RGS7: variants seen among roughly 807,000 people sequenced by gnomAD.
RGS7 encodes regulator of G protein signaling 7.
RGS7 carries 27 observed loss-of-function variants against 81.1 expected under a neutral mutation model. The ratio of observed to expected loss-of-function variants is 0.33; its 90% CI spans 0.25 to 0.46. The LOEUF (loss-of-function observed/expected upper bound fraction) is 0.46, where lower values mean the gene tolerates loss of function less well. Among genes scored for constraint, RGS7 ranks in the 20% least tolerant of loss-of-function variants. The pLI is 1.00. For missense variants in RGS7, 396 were observed against 607.4 expected, an observed-to-expected ratio of 0.65 and a Z score of 3.66; for synonymous variants, 208 against 207.7, an observed-to-expected ratio of 1.00 and a Z score of -0.01.
intron 18 of RGS7, among the ~76,000 whole-genome samples, chr1:240,782,718 G>A (rs936006861): frequency 5.9e-5 from 9 of 152,208 alleles, no homozygotes; most frequent in African/African-American, 9.6e-5. Flanking sequence ...CACTGTGCCC[G>A]ACCAAATATG....
intron 2 of RGS7, among the ~76,000 whole-genome samples, chr1:241,269,442 T>C (rs755662976): frequency 1.3e-5 from 2 of 152,334 alleles, no homozygotes; most frequent in Non-Finnish European, 2.9e-5. Context: ...TCCTGCCCAA[T>C]CACATGTTTT....
chr1:240,979,010 A>C lies in RGS7; in HGVS notation c.226+4069T>G, dbSNP rs373382104. On this transcript the variant is annotated intron_variant, in intron 4 of 18. Coordinates refer to ENST00000440928, the MANE Select transcript of RGS7 (RefSeq NM_001364886.1). Reference sequence around the variant, plus strand: ...TTTGTAAATACATCACAGAACAAGCAACGAAATGGCAATGGCCCATTTATA... The same window carrying C: ...TTTGTAAATACATCACAGAACAAGCCACGAAATGGCAATGGCCCATTTATA... 9.2e-4 allele frequency among the ~76,000 whole-genome samples: 140 copies of C among 152,348 alleles called. 4 individuals are homozygous for C. In the South Asian group the frequency reaches 0.027, roughly 29 times the overall value.
intron 2 of RGS7, among the ~76,000 whole-genome samples, chr1:241,328,557 A>C (rs2081759529): frequency 6.6e-6 from 1 of 152,146 alleles, no homozygotes; most frequent in African/African-American, 2.4e-5. Flanking sequence ...GACCAGGTTA[A>C]TTTAACCTGT....
chr1:240,905,649 C>A (rs1486403962), intron 6 of RGS7, among the ~76,000 whole-genome samples: 2 of 152,134 alleles, frequency 1.3e-5, no homozygotes. Flanking sequence ...TGGGAAAATG[C>A]AATGCACTCA....
intron 3 of RGS7, among the ~76,000 whole-genome samples, chr1:241,017,634 T>G (rs1202314062): frequency 6.6e-6 from 1 of 152,114 alleles, no homozygotes; most frequent in African/African-American, 2.4e-5. Context: ...TTTTCTCCAT[T>G]CTCTTCTTGA....
chr1:241,314,286 C>T (rs2080733956), intron 2 of RGS7, among the ~76,000 whole-genome samples: 1 of 152,144 alleles, frequency 6.6e-6, no homozygotes, highest in Admixed American at 6.5e-5. Flanking sequence ...AAGAAATTGC[C>T]ACAGCCACTC....
At chr1:241,002,434 C>A (rs1193874990) in intron 3 of RGS7, among the ~76,000 whole-genome samples, 1 of 133,282 alleles carries the variant, frequency 7.5e-6, no homozygotes, top group African/African-American at 2.9e-5. Flanking sequence ...GCCTGGGCAG[C>A]AAGAGTGAAA....
intron 16 of RGS7, among the ~76,000 whole-genome samples, chr1:240,802,097 T>C (rs1688117016): frequency 2.0e-5 from 3 of 152,166 alleles, no homozygotes; most frequent in Admixed American, 2.0e-4. Flanking sequence ...CTACAAAGTA[T>C]CCATTTCTAG....
intron 3 of RGS7, among the ~76,000 whole-genome samples, chr1:241,003,224 G>A (rs1446066768): frequency 1.3e-5 from 2 of 152,102 alleles, no homozygotes; most frequent in African/African-American, 4.8e-5. Context: ...CACTTTGGGA[G>A]GCCAAGGCAG....
chr1:241,316,857 C>G (rs984102124), intron 2 of RGS7, among the ~76,000 whole-genome samples: 4 of 152,066 alleles, frequency 2.6e-5, no homozygotes, highest in Admixed American at 2.0e-4. Context: ...ATGATGTGAG[C>G]CACTTTTTTG....
Position 241,181,240 on chromosome 1 carries a change from T to C in RGS7, c.79-82478A>G, listed in dbSNP as rs1291560124. Among the ~76,000 whole-genome samples, 4 of 152,128 alleles carry C rather than the reference T, an allele frequency of 2.6e-5. No individual in the cohort carries two copies. The East Asian group carries it at 5.8e-4, about 22-fold the overall frequency. Reference sequence around the variant, plus strand: ...TAATGATGCCTCTATGTAGGTTCATTAATTGAAAAAAGTGTACCTCTCTGG... The same window carrying C: ...TAATGATGCCTCTATGTAGGTTCATCAATTGAAAAAAGTGTACCTCTCTGG... On this transcript the variant is annotated intron_variant, in intron 2 of 18. Coordinates refer to ENST00000440928, the MANE Select transcript of RGS7 (RefSeq NM_001364886.1).
chr1:241,076,680 GT>G (rs1329024677), intron 3 of RGS7, among the ~76,000 whole-genome samples: 1 of 152,146 alleles, frequency 6.6e-6, no homozygotes, highest in Non-Finnish European at 1.5e-5. Flanking sequence ...TATAGTTTCT[GT>G]TTAAAGGAAG....
At chr1:240,860,845 G>A (rs1662068594) in intron 9 of RGS7, among the ~76,000 whole-genome samples, 1 of 152,038 alleles carries the variant, frequency 6.6e-6, no homozygotes, top group Admixed American at 6.6e-5. Flanking sequence ...TTGGTCTCAT[G>A]TCTACAACTA....
chr1:241,010,858 T>G (rs995936278), intron 3 of RGS7, among the ~76,000 whole-genome samples: 10 of 152,142 alleles, frequency 6.6e-5, no homozygotes, highest in African/African-American at 2.2e-4. Context: ...ATCAAAGTCT[T>G]GATCCTCTCA....
At chr1:241,308,813 T>C (rs1238993658) in intron 2 of RGS7, among the ~76,000 whole-genome samples, 1 of 152,176 alleles carries the variant, frequency 6.6e-6, no homozygotes, top group Non-Finnish European at 1.5e-5. Context: ...GGAGGATTCA[T>C]TAATAGAAAG....
intron 3 of RGS7, among the ~76,000 whole-genome samples, chr1:241,045,917 T>A (rs563217476): frequency 4.6e-5 from 7 of 152,158 alleles, no homozygotes; most frequent in Non-Finnish European, 1.0e-4. Context: ...CTCCCCTCCA[T>A]CAGTTGGTCT....
At chr1:241,227,570 CAAAAAAAA>C in intron 2 of RGS7, among the ~76,000 whole-genome samples, 1 of 103,726 alleles carries the variant, frequency 9.6e-6, no homozygotes, top group East Asian at 2.8e-4. Context: ...CTGTCTCTAC[CAAAAAAAA>C]AAAAAAAAAA....
chr1:241,312,868 G>A (rs372743522), intron 2 of RGS7, among the ~76,000 whole-genome samples: 15 of 152,138 alleles, frequency 9.9e-5, no homozygotes, highest in African/African-American at 1.7e-4. Flanking sequence ...AGTTGCAAAC[G>A]CAAAGGAAAA....
chr1:241,045,719 A>C (rs180696870), intron 3 of RGS7, among the ~76,000 whole-genome samples: 3 of 152,280 alleles, frequency 2.0e-5, no homozygotes, highest in Non-Finnish European at 4.4e-5. Context: ...CCTTTTGCCC[A>C]AACATAAAAT....
Sources: gnomAD v4.1 joint callset for allele counts (sites outside exome capture counted in the v4.1 genomes callset) on GRCh38, gnomAD v4.1.1 for gene constraint, MANE v1.5 for transcripts, NCBI Gene and HGNC (gene_info 2026-07-23, HGNC 2026-07-21) for gene names.